ARHGEF28: variants seen among roughly 807,000 people sequenced by gnomAD.
ARHGEF28 encodes Rho guanine nucleotide exchange factor 28, also known as 190 kDa guanine nucleotide exchange factor.
ARHGEF28 carries 152 observed loss-of-function variants against 206.6 expected under a neutral mutation model. The ratio of observed to expected loss-of-function variants is 0.74; its 90% CI spans 0.64 to 0.84. The LOEUF is 0.84. ARHGEF28 is among the 40% of genes least tolerant of loss of function. The pLI is 0.00. For synonymous variants in ARHGEF28, 763 were observed against 776.4 expected, an observed-to-expected ratio of 0.98 and a Z score of 0.29; for missense variants, 2,028 against 2,073.2, an observed-to-expected ratio of 0.98 and a Z score of 0.42.
chr5:73,930,641 C>T (rs1481885662), intron 35 of ARHGEF28, among the ~76,000 whole-genome samples: 1 of 152,192 alleles, frequency 6.6e-6, no homozygotes, highest in Admixed American at 6.5e-5. Context: ...GCAGAAACTA[C>T]TCAAAATGTG....
intron 31 of ARHGEF28, chr5:73,903,648 T>C (rs1762392468): frequency 1.9e-5 from 3 of 154,072 alleles, no homozygotes. Context: ...TGGCAGTCAC[T>C]GGTCTGGTGA....
chr5:73,924,654 C>T (rs754593866), intron 35 of ARHGEF28, among the ~76,000 whole-genome samples: 2 of 152,174 alleles, frequency 1.3e-5, no homozygotes, highest in Non-Finnish European at 1.5e-5. Flanking sequence ...CATGAATCAG[C>T]ACACCTCAAA....
intron 13 of ARHGEF28, 27 bp downstream of exon 13, chr5:73,849,114 GA>G (rs752275532): frequency 1.1e-5 from 16 of 1,441,934 alleles, no homozygotes; most frequent in Non-Finnish European, 1.5e-5. Flanking sequence ...ATTTGGCTTT[GA>G]AAACACTCTA....
At chr5:73,825,306 G>A (rs1046022570) in intron 9 of ARHGEF28, among the ~76,000 whole-genome samples, 7 of 152,242 alleles carry the variant, frequency 4.6e-5, no homozygotes, top group African/African-American at 1.4e-4. Context: ...GCAGAGATGA[G>A]AAGAAAGTGA....
chr5:73,750,780 TTTTTCTTAAC>T (rs1482022605), intron 3 of ARHGEF28, among the ~76,000 whole-genome samples: 1 of 152,160 alleles, frequency 6.6e-6, no homozygotes, highest in Non-Finnish European at 1.5e-5. Flanking sequence ...GATTGGTTGG[TTTTTCTTAAC>T]TGTGGGTCTT....
chr5:73,832,219 C>G lies in ARHGEF28; in HGVS notation c.1025-119C>G, dbSNP rs373575279. ...CTTGCATGTAGATCTTAAAATCTAG[C>G]CAAAAGCCCTCTTAAAAAATGCACT... On this transcript the variant is annotated intron_variant, in intron 9 of 35. Transcript: ENST00000513042. 34 of 1,266,144 alleles carry G rather than the reference C, an allele frequency of 2.7e-5. No homozygotes were observed. In the African/African-American group the frequency reaches 3.5e-4, roughly 13 times the overall value. The allele number at this position is 1,266,144 out of a possible 1,614,324, so 78.4% of individuals were successfully genotyped here.
chr5:73,816,801 G>A (rs1756239805), intron 9 of ARHGEF28, among the ~76,000 whole-genome samples: 1 of 152,180 alleles, frequency 6.6e-6, no homozygotes, highest in African/African-American at 2.4e-5. Flanking sequence ...GGCTGCCCAA[G>A]ATGTACTCCT....
At chr5:73,766,536 T>C (rs1204083547) in intron 4 of ARHGEF28, among the ~76,000 whole-genome samples, 3 of 152,238 alleles carry the variant, frequency 2.0e-5, no homozygotes, top group Non-Finnish European at 2.9e-5. Flanking sequence ...TGTATTTTGC[T>C]AACCACTTAT....
intron 30 of ARHGEF28, 174 bp downstream of exon 30, chr5:73,898,267 A>G: frequency 1.4e-6 from 1 of 717,536 alleles, no homozygotes; most frequent in Non-Finnish European, 2.1e-6. Context: ...TCATAGGCAT[A>G]TAATAATGAC....
chr5:73,901,165 C>T lies in ARHGEF28; in HGVS notation c.3974-19C>T. The T allele has an allele frequency of 6.2e-7, 1 of 1,606,644 alleles. No individual in the cohort carries two copies. The highest frequency in any genetic ancestry group is 2.2e-5 in the East Asian group (1 of 44,738). ...TTGACGCTGTCCTTTTTGTTTCTGT[C>T]TCGATGGCGTGCTTCCAGCATTAGT... On this transcript the variant is annotated intron_variant, in intron 30 of 35. Coordinates refer to ENST00000513042, the MANE Select transcript of ARHGEF28 (RefSeq NM_001177693.2).
intron 2 of ARHGEF28, among the ~76,000 whole-genome samples, chr5:73,700,023 T>C (rs1748499418): frequency 6.6e-6 from 1 of 152,194 alleles, no homozygotes; most frequent in Non-Finnish European, 1.5e-5. Context: ...TAGGAGAGAA[T>C]GTTTCCTAGG....
At chr5:73,757,909 T>A (rs149661253) in intron 4 of ARHGEF28, among the ~76,000 whole-genome samples, 2 of 152,334 alleles carry the variant, frequency 1.3e-5, no homozygotes, top group African/African-American at 4.8e-5. Flanking sequence ...GTTTGTTTTT[T>A]GAGCAGAAAT....
At chr5:73,696,129 C>A (rs182168293) in intron 2 of ARHGEF28, among the ~76,000 whole-genome samples, 212 of 152,284 alleles carry the variant, frequency 1.4e-3, no homozygotes, top group Non-Finnish European at 2.4e-3. Context: ...TTTCACTAAA[C>A]GTTTGTGGAT....
chr5:73,924,499 C>T (rs552521793), intron 35 of ARHGEF28, among the ~76,000 whole-genome samples: 1 of 152,298 alleles, frequency 6.6e-6, no homozygotes, highest in South Asian at 2.1e-4. Flanking sequence ...ATAAACACTA[C>T]TGTTATCACT....
At position 73,887,692 on chromosome 5, in the gene ARHGEF28, C is replaced by G; in HGVS notation, c.3387+13C>G. 1 of 1,538,112 alleles carries G rather than the reference C, an allele frequency of 6.5e-7. No homozygotes were observed. Among genetic ancestry groups the G allele is most frequent in the South Asian group, 1.3e-5 (1 of 79,452 alleles). ...CTTTGCAGCCGTTGTAAGTATATGACTGTGTGATGTATTTAAAAAATAGGT... is the reference window on the plus strand; with the variant it reads ...CTTTGCAGCCGTTGTAAGTATATGAGTGTGTGATGTATTTAAAAAATAGGT... On this transcript the variant is annotated intron_variant, in intron 26 of 35. Transcript: ENST00000513042.
At chr5:73,749,267 G>A (rs73116556) in intron 2 of ARHGEF28, among the ~76,000 whole-genome samples, 22,171 of 152,220 alleles carry the variant, frequency 0.15, 4,547 homozygotes, top group African/African-American at 0.46. Flanking sequence ...AGCACAGGGT[G>A]AGGCCAGAGC....
At chr5:73,791,763 T>A (rs1754497192) in intron 7 of ARHGEF28, among the ~76,000 whole-genome samples, 2 of 152,204 alleles carry the variant, frequency 1.3e-5, no homozygotes, top group Admixed American at 6.5e-5. Flanking sequence ...GATTATCTCT[T>A]GTTCCATTAT....
intron 9 of ARHGEF28, among the ~76,000 whole-genome samples, chr5:73,812,747 C>T (rs551012901): frequency 5.9e-5 from 9 of 152,142 alleles, no homozygotes; most frequent in African/African-American, 1.9e-4. Flanking sequence ...AAGTTTAGAT[C>T]GGAGCTATAA....
At chr5:73,858,062 C>G (rs372030006) in intron 15 of ARHGEF28, 25 bp from the exon 16 acceptor site, 1 of 1,579,260 alleles carries the variant, frequency 6.3e-7, no homozygotes, top group Admixed American at 2.0e-5. Flanking sequence ...TCCCCACTTT[C>G]CTACTGCTGC....
Sources: allele counts gnomAD v4.1 joint callset (sites outside exome capture counted in the v4.1 genomes callset), GRCh38; gene constraint gnomAD v4.1.1; transcripts MANE v1.5; gene names NCBI Gene and HGNC (gene_info 2026-07-23, HGNC 2026-07-21).